The following GRAMD4 variants were observed in gnomAD, a reference collection of about 807,000 sequenced individuals.
The protein encoded by GRAMD4 is GRAM domain containing 4, also known as GRAM domain-containing protein 4.
In GRAMD4, 25 loss-of-function variants were observed where a neutral mutation model predicts 83.9. The observed-to-expected ratio is 0.30, with a 90% confidence interval of 0.22 to 0.42. The LOEUF is 0.42. GRAMD4 is among the 10% of genes least tolerant of loss of function. The pLI, the probability that GRAMD4 is intolerant of heterozygous loss-of-function variation, is 1.00. For missense variants in GRAMD4, 593 were observed against 788.7 expected, an observed-to-expected ratio of 0.75 and a Z score of 2.97; for synonymous variants, 336 against 320.9, an observed-to-expected ratio of 1.05 and a Z score of -0.50.
chr22:46,667,600 C>G (rs536667464), intron 10 of GRAMD4, among the ~76,000 whole-genome samples: 1 of 152,228 alleles, frequency 6.6e-6, no homozygotes, highest in South Asian at 2.1e-4. Context: ...AGGGAGGCCT[C>G]GGTGCCTCCA....
chr22:46,577,271 G>A, exon 1 of GRAMD4: 1 of 979,432 alleles, frequency 1.0e-6, no homozygotes, highest in Non-Finnish European at 1.2e-6. Context: ...GATGAGAGTT[G>A]GCCCCGATAT....
At chr22:46,584,048 C>T (rs1336366739) in intron 1 of GRAMD4, among the ~76,000 whole-genome samples, 5 of 152,140 alleles carry the variant, frequency 3.3e-5, no homozygotes, top group Non-Finnish European at 7.3e-5. Context: ...TAGGTCAATG[C>T]GGAATGCCAT....
At chr22:46,616,340 C>CTG (rs1239112891), upstream of GRAMD4, among the ~76,000 whole-genome samples, 1 of 47,254 alleles carries the variant, frequency 2.1e-5, no homozygotes, top group African/African-American at 8.4e-5. Flanking sequence ...GTAGGTTCCC[C>CTG]TGTGTGTACG....
At chr22:46,603,324 C>T (rs1206220223) in intron 1 of GRAMD4, among the ~76,000 whole-genome samples, 1 of 149,722 alleles carries the variant, frequency 6.7e-6, no homozygotes, top group African/African-American at 2.5e-5. Context: ...TCTCCTGCCT[C>T]AGCCTCCCGA....
intron 1 of GRAMD4, among the ~76,000 whole-genome samples, chr22:46,603,512 T>A (rs7289792): frequency 0.1 from 1,247 of 12,094 alleles, 110 homozygotes; most frequent in Middle Eastern, 0.19. Flanking sequence ...CCCGGCCTCT[T>A]CTCTTTTTTT....
At chr22:46,674,549 C>A in intron 15 of GRAMD4, 108 bp from the exon 16 acceptor site, 1 of 818,564 alleles carries the variant, frequency 1.2e-6, no homozygotes, top group Non-Finnish European at 2.2e-6. Flanking sequence ...GACGTGAGCG[C>A]GGTGGGCGGA....
At chr22:46,582,243 G>A (rs1462937162) in intron 1 of GRAMD4, among the ~76,000 whole-genome samples, 1 of 152,162 alleles carries the variant, frequency 6.6e-6, no homozygotes, top group Non-Finnish European at 1.5e-5. Context: ...ACTTGTCCCT[G>A]GGGAACAGGA....
chr22:46,630,272 C>T (rs1339606362), intron 2 of GRAMD4, among the ~76,000 whole-genome samples: 1 of 152,134 alleles, frequency 6.6e-6, no homozygotes. Flanking sequence ...GCAATCCACC[C>T]GCCTCAGCCT....
chr22:46,641,192 C>T (rs770996057), intron 3 of GRAMD4, among the ~76,000 whole-genome samples: 2 of 152,174 alleles, frequency 1.3e-5, no homozygotes, highest in African/African-American at 2.4e-5. Context: ...CTGGCCTCAG[C>T]CTCCTGAGTA....
chr22:46,612,238 C>T (rs1031694592), intron 1 of GRAMD4, among the ~76,000 whole-genome samples: 1 of 152,096 alleles, frequency 6.6e-6, no homozygotes, highest in Non-Finnish European at 1.5e-5. Flanking sequence ...AACTCCTGGG[C>T]TCAAGTGATT....
chr22:46,658,276 G>T lies in GRAMD4; in HGVS notation c.373G>T (p.Glu125Ter). 6.2e-7 allele frequency: 1 copy of T among 1,612,888 alleles called. No individual in the cohort carries two copies. The highest frequency in any genetic ancestry group is 1.1e-5 in the South Asian group (1 of 91,040). The stretch of plus-strand genomic sequence containing the variant: ...CGAGCGGCAGCGGCGGATGGAGCTG[G>T]AGCAGAAGGTGCAGGAGGTGCTGAA... The part of the protein sequence containing the change: ...DRERQRRMEL[E>*]QKVQEVLKAR... The change falls in exon 4 of 19, where the codon GAG (glutamate) becomes TAG (stop). Residue 125 changes from glutamate (E) to a stop codon, truncating the protein, a stop_gained. Transcript: ENST00000406902. LOFTEE classifies it high-confidence loss of function.
chr22:46,617,845 G>GT (rs2081524973), upstream of GRAMD4, among the ~76,000 whole-genome samples: 1 of 152,202 alleles, frequency 6.6e-6, no homozygotes, highest in East Asian at 1.9e-4. Context: ...CCTGACCCTC[G>GT]TATGACTCAA....
intron 1 of GRAMD4, among the ~76,000 whole-genome samples, chr22:46,624,626 G>A (rs891204062): frequency 1.3e-5 from 2 of 152,066 alleles, no homozygotes; most frequent in African/African-American, 4.8e-5. Flanking sequence ...GCTCCCAGCT[G>A]TTCTCTTTTC....
intron 3 of GRAMD4, 129 bp downstream of exon 3, chr22:46,638,089 C>A (rs2081918352): frequency 2.1e-6 from 2 of 973,744 alleles, no homozygotes; most frequent in Non-Finnish European, 3.1e-6. Flanking sequence ...TGGACACGAG[C>A]CCTGGGCAGC....
chr22:46,638,004 C>A lies in GRAMD4; in HGVS notation c.283+44C>A. On this transcript the variant is annotated intron_variant, in intron 3 of 18. Coordinates refer to ENST00000406902, the MANE Select transcript of GRAMD4 (RefSeq NM_015124.5). ...TTGGAGGGGATGGGACAAGGTGGGT[C>A]AGGGGTGGCTGAGATGGGGGATGTC... 1.9e-6 allele frequency: 3 copies of A among 1,600,634 alleles called. No individual in the cohort carries two copies. The South Asian group carries it at 3.3e-5, about 18-fold the overall frequency.
At position 46,672,922 on chromosome 22, in the gene GRAMD4, G is replaced by A. The variant is rs780910269; in HGVS notation, c.1164G>A (p.Thr388=). The stretch of plus-strand genomic sequence containing the variant: ...CGAGGCTGCGCGCCAAGTACGACAC[G>A]CCCTATATCATCTGGAGGAGTCTCC... The part of the protein sequence containing the change: ...RCPRLRAKYD[T]PYIIWRSLPT... The change falls in exon 14 of 19, where the codon ACG becomes ACA. Residue 388 remains threonine (T), a synonymous_variant. Transcript: ENST00000406902. This position sits in a 1 kb window ranked among gnomAD's most constrained non-coding sequence, Gnocchi z 4.7. 8.7e-5 allele frequency: 140 copies of A among 1,611,776 alleles called. No individual in the cohort carries two copies. The highest frequency in any genetic ancestry group is 1.0e-4 in the Non-Finnish European group (122 of 1,179,552).
At chr22:46,649,355 G>C (rs1486927755) in intron 3 of GRAMD4, among the ~76,000 whole-genome samples, 1 of 152,180 alleles carries the variant, frequency 6.6e-6, no homozygotes. Flanking sequence ...GATGGCACGT[G>C]CTGTCGAGCA....
chr22:46,577,160 C>T, exon 1 of GRAMD4: 3 of 398,738 alleles, frequency 7.5e-6, no homozygotes, highest in Non-Finnish European at 6.7e-6. Context: ...CCGGGACCCG[C>T]GGGGCCGCCT....
downstream of GRAMD4, among the ~76,000 whole-genome samples, chr22:46,680,585 T>TCCAC (rs1569313397): frequency 5.1e-5 from 7 of 136,046 alleles, no homozygotes; most frequent in Non-Finnish European, 8.2e-5. Flanking sequence ...CATCCATCCA[T>TCCAC]CCATCCATCC....
Sources: allele counts gnomAD v4.1 joint callset (sites outside exome capture counted in the v4.1 genomes callset), GRCh38; gene constraint gnomAD v4.1.1; non-coding constraint Gnocchi (gnomAD v3.1); transcripts MANE v1.5; gene names NCBI Gene and HGNC (gene_info 2026-07-23, HGNC 2026-07-21).